The following SPATA17 variants were observed in gnomAD, a reference collection of about 807,000 sequenced individuals.
SPATA17 encodes the protein spermatogenesis associated 17.
A neutral mutation model predicts 62.2 loss-of-function variants in SPATA17; 53 were observed. That is an observed-to-expected ratio of 0.85 (90% CI 0.68 to 1.07). The LOEUF (loss-of-function observed/expected upper bound fraction) is 1.07, where lower values mean the gene tolerates loss of function less well. Among genes scored for constraint, SPATA17 ranks in the 50% least tolerant of loss-of-function variants. The pLI, the probability that SPATA17 is intolerant of heterozygous loss-of-function variation, is 0.00. For synonymous variants in SPATA17, 146 were observed against 146.8 expected (o/e 0.99, Z 0.04); for missense variants, 466 against 425.5 (o/e 1.10, Z -0.84).
Position 217,869,350 on chromosome 1 carries a change from G to T in SPATA17, c.*2331G>T, listed in dbSNP as rs1237638241. On this transcript the variant is annotated 3_prime_UTR_variant, in exon 11 of 11. Coordinates refer to ENST00000366933, the MANE Select transcript of SPATA17 (RefSeq NM_138796.4). ...CCTGGATTAAAATAAGGGGACCAAG[G>T]TTCTCATGCAGATGAAGCCTCCAGG... The T allele has an allele frequency of 1.3e-5, 2 of 152,102 alleles. No homozygotes were observed. The highest frequency in any genetic ancestry group is 4.8e-5 in the African/African-American group (2 of 41,424). 9.4% of individuals were successfully genotyped at this position (152,102 alleles called of 1,614,324 possible). A position where few individuals can be genotyped will look rare whatever the true frequency, so the allele number is the denominator to read the frequency against.
At chr1:217,787,335 C>T (rs545902091) in intron 8 of SPATA17, among the ~76,000 whole-genome samples, 221 of 152,176 alleles carry the variant, frequency 1.5e-3, no homozygotes, top group African/African-American at 5.1e-3. Flanking sequence ...CTTTTTATTG[C>T]CTCTAGGATA....
At chr1:217,801,593 T>C in intron 8 of SPATA17, 125 bp from the exon 9 acceptor site, 1 of 670,396 alleles carries the variant, frequency 1.5e-6, no homozygotes, top group Non-Finnish European at 2.3e-6. Flanking sequence ...AAATGGAATC[T>C]AGGTATTCTG....
intron 4 of SPATA17, among the ~76,000 whole-genome samples, chr1:217,679,013 A>G (rs962595063): frequency 3.3e-5 from 5 of 152,184 alleles, no homozygotes; most frequent in Admixed American, 2.6e-4. Flanking sequence ...AAAAAAATTA[A>G]AAGTATATTT....
At chr1:217,701,768 A>G (rs1386891110) in intron 5 of SPATA17, among the ~76,000 whole-genome samples, 1 of 151,914 alleles carries the variant, frequency 6.6e-6, no homozygotes, top group Non-Finnish European at 1.5e-5. Context: ...TCTGATTTTC[A>G]ACATCTATTA....
intron 4 of SPATA17, 54 bp downstream of exon 4, chr1:217,669,137 C>T (rs1670778504): frequency 6.0e-6 from 9 of 1,511,572 alleles, no homozygotes; most frequent in South Asian, 5.9e-5. Context: ...GCCCTGAATT[C>T]GCTTTTAATA....
At chr1:217,814,067 A>AT (rs1195434719) in intron 9 of SPATA17, among the ~76,000 whole-genome samples, 1 of 152,128 alleles carries the variant, frequency 6.6e-6, no homozygotes, top group Non-Finnish European at 1.5e-5. Context: ...CCTGATTTGA[A>AT]TTTTAACTTG....
intron 5 of SPATA17, among the ~76,000 whole-genome samples, chr1:217,715,176 A>G (rs1267451074): frequency 6.6e-6 from 1 of 152,200 alleles, no homozygotes; most frequent in East Asian, 1.9e-4. Flanking sequence ...ACATTACATT[A>G]TATGTTTAAA....
chr1:217,708,490 A>G (rs1326255547), intron 5 of SPATA17, among the ~76,000 whole-genome samples: 1 of 152,164 alleles, frequency 6.6e-6, no homozygotes, highest in East Asian at 1.9e-4. Flanking sequence ...ACAACCTCCC[A>G]AGATTGAACC....
At chr1:217,731,078 A>G (rs1243338274) in intron 5 of SPATA17, among the ~76,000 whole-genome samples, 1 of 152,076 alleles carries the variant, frequency 6.6e-6, no homozygotes, top group African/African-American at 2.4e-5. Context: ...TTATAATTTA[A>G]TTCTCTGATA....
intron 9 of SPATA17, among the ~76,000 whole-genome samples, chr1:217,814,844 T>A (rs918425080): frequency 6.6e-6 from 1 of 152,060 alleles, no homozygotes; most frequent in African/African-American, 2.4e-5. Flanking sequence ...AAATACCTCA[T>A]CTCTTAAAAA....
intron 6 of SPATA17, among the ~76,000 whole-genome samples, chr1:217,764,102 G>A (rs573110355): frequency 2.0e-4 from 30 of 152,130 alleles, no homozygotes; most frequent in Admixed American, 9.8e-4. Flanking sequence ...AGCACCCAAA[G>A]TCCATAGTTT....
intron 3 of SPATA17, among the ~76,000 whole-genome samples, chr1:217,657,370 C>T (rs1670467758): frequency 6.6e-6 from 1 of 152,186 alleles, no homozygotes; most frequent in Admixed American, 6.6e-5. Context: ...TCACACTGCT[C>T]TGCCCACCTT....
chr1:217,833,025 A>G (rs1571833917), intron 9 of SPATA17, among the ~76,000 whole-genome samples: 1 of 152,116 alleles, frequency 6.6e-6, no homozygotes, highest in East Asian at 1.9e-4. Flanking sequence ...AGAAAAGTCT[A>G]TTATTTCAAA....
intron 4 of SPATA17, among the ~76,000 whole-genome samples, chr1:217,677,406 A>G (rs1353344420): frequency 6.6e-6 from 1 of 152,128 alleles, no homozygotes; most frequent in Non-Finnish European, 1.5e-5. Flanking sequence ...TTTCATATTT[A>G]TAATACTATG....
chr1:217,836,689 G>A (rs1488051768), intron 9 of SPATA17, among the ~76,000 whole-genome samples: 1 of 152,088 alleles, frequency 6.6e-6, no homozygotes, highest in Non-Finnish European at 1.5e-5. Flanking sequence ...TCTTTGGATG[G>A]AGCAAATCAA....
intron 1 of SPATA17, among the ~76,000 whole-genome samples, chr1:217,645,584 TTAAA>T (rs1670162945): frequency 6.6e-6 from 1 of 152,170 alleles, no homozygotes; most frequent in Non-Finnish European, 1.5e-5. Flanking sequence ...GGTAAAAGGT[TTAAA>T]TAACCATAAG....
chr1:217,852,419 T>C lies in SPATA17; in HGVS notation c.1006-10355T>C, dbSNP rs181844520. On this transcript the variant is annotated intron_variant, in intron 9 of 10. Transcript: ENST00000366933. ...AAATTATGGGCTAGGTATCATTCACTGGCTGGATTATTATATACTTCTTCT... is the reference window on the plus strand; with the variant it reads ...AAATTATGGGCTAGGTATCATTCACCGGCTGGATTATTATATACTTCTTCT... Among the ~76,000 whole-genome samples, 346 of 152,306 alleles carry C rather than the reference T, an allele frequency of 2.3e-3. 1 individual carries two copies. Among genetic ancestry groups the C allele is most frequent in the African/African-American group, 8.1e-3 (335 of 41,584 alleles).
At chr1:217,850,806 C>T (rs1340015249) in intron 9 of SPATA17, among the ~76,000 whole-genome samples, 1 of 152,018 alleles carries the variant, frequency 6.6e-6, no homozygotes, top group African/African-American at 2.4e-5. Context: ...GATATAAACA[C>T]AAAAGCCTGA....
At chr1:217,808,609 T>G (rs1330242342) in intron 9 of SPATA17, among the ~76,000 whole-genome samples, 1 of 152,108 alleles carries the variant, frequency 6.6e-6, no homozygotes, top group Non-Finnish European at 1.5e-5. Context: ...ATCCCAGCAC[T>G]TTGGGAGGCC....
Sources: gnomAD v4.1 joint callset for allele counts (sites outside exome capture counted in the v4.1 genomes callset) on GRCh38, gnomAD v4.1.1 for gene constraint, MANE v1.5 for transcripts, NCBI Gene and HGNC (gene_info 2026-07-23, HGNC 2026-07-21) for gene names.